Variants in FIG4 observed in about 807,000 individuals in gnomAD.
FIG4 encodes FIG4 phosphoinositide 5-phosphatase.
A neutral mutation model predicts 118.6 loss-of-function variants in FIG4; 112 were observed. The ratio of observed to expected loss-of-function variants is 0.94; its 90% CI spans 0.81 to 1.11. The LOEUF is 1.11. FIG4 is among the 50% of genes least tolerant of loss of function. The pLI is 0.00. For missense variants in FIG4, 969 were observed against 1,111.7 expected, an observed-to-expected ratio of 0.87 and a Z score of 1.83; for synonymous variants, 369 against 381.2, an observed-to-expected ratio of 0.97 and a Z score of 0.37.
intron 18 of FIG4, among the ~76,000 whole-genome samples, chr6:109,788,066 T>C (rs1326465723): frequency 6.6e-6 from 1 of 152,220 alleles, no homozygotes; most frequent in Admixed American, 6.5e-5. Context: ...TAGATGACTT[T>C]GCACAACCAT....
At chr6:109,809,741 GT>G (rs1375886496) in intron 22 of FIG4, among the ~76,000 whole-genome samples, 1 of 152,090 alleles carries the variant, frequency 6.6e-6, no homozygotes, top group Non-Finnish European at 1.5e-5. Context: ...TTTTTAAAGG[GT>G]TCTATCAAAA....
Position 109,786,396 on chromosome 6 carries a change from T to C in FIG4, c.2043T>C (p.Tyr681=). 1 of 1,613,656 alleles carries C rather than the reference T, an allele frequency of 6.2e-7. No homozygotes were observed. The highest frequency in any genetic ancestry group is 8.5e-7 in the Non-Finnish European group (1 of 1,179,548). Residue 681 remains tyrosine, a synonymous_variant, in exon 18 of 23, where the codon TAT becomes TAC. Transcript: ENST00000230124. ...IDIHNEFFRP[Y]ELSSFDDTFC... ...TCCACAATGAGTTCTTTCGGCCATA[T>C]GAGTTGAGCAGCTTTGATGATACCT...
chr6:109,708,335 A>G (rs1775152415), intron 1 of FIG4, among the ~76,000 whole-genome samples: 1 of 152,206 alleles, frequency 6.6e-6, no homozygotes, highest in South Asian at 2.1e-4. Flanking sequence ...TCCATGGTAT[A>G]TATGTACCAC....
At chr6:109,713,997 G>A (rs910383327) in intron 1 of FIG4, among the ~76,000 whole-genome samples, 7 of 152,252 alleles carry the variant, frequency 4.6e-5, no homozygotes, top group African/African-American at 1.7e-4. Context: ...TCTCCTATGG[G>A]AACAAGTCAA....
chr6:109,780,254 T>C (rs1777760297), intron 16 of FIG4, among the ~76,000 whole-genome samples: 1 of 152,196 alleles, frequency 6.6e-6, no homozygotes, highest in Non-Finnish European at 1.5e-5. Context: ...CTCTGTCACC[T>C]AGGCTGGAGT....
chr6:109,791,223 C>T (rs964876244), intron 19 of FIG4, among the ~76,000 whole-genome samples, 153 bp from the exon 20 acceptor site: 1 of 152,092 alleles, frequency 6.6e-6, no homozygotes, highest in Non-Finnish European at 1.5e-5. Context: ...GAAATATGAA[C>T]CTTTTCCCTG....
chr6:109,749,575 G>C (rs1182464308), intron 10 of FIG4, among the ~76,000 whole-genome samples: 1 of 33,362 alleles, frequency 3.0e-5, no homozygotes, highest in African/African-American at 1.2e-4. Context: ...GACAGAGCAC[G>C]ACCCTGCCTC....
At chr6:109,821,295 G>T (rs1278677895) in intron 22 of FIG4, among the ~76,000 whole-genome samples, 1 of 152,328 alleles carries the variant, frequency 6.6e-6, no homozygotes, top group African/African-American at 2.4e-5. Flanking sequence ...ACCAAAGAGA[G>T]TTCTGTGAAG....
At chr6:109,776,135 T>C (rs2128394446) in intron 15 of FIG4, among the ~76,000 whole-genome samples, 1 of 152,270 alleles carries the variant, frequency 6.6e-6, no homozygotes, top group Non-Finnish European at 1.5e-5. Context: ...GAGGAGAATG[T>C]AGAATGGGAT....
intron 22 of FIG4, among the ~76,000 whole-genome samples, chr6:109,813,814 C>A (rs940089843): frequency 1.3e-5 from 2 of 152,128 alleles, no homozygotes; most frequent in African/African-American, 4.8e-5. Flanking sequence ...TGGATAGGCC[C>A]ATAAGGAACT....
intron 3 of FIG4, 106 bp downstream of exon 3, chr6:109,716,674 A>G (rs769521174): frequency 1.8e-5 from 24 of 1,310,094 alleles, no homozygotes; most frequent in Non-Finnish European, 2.6e-5. Flanking sequence ...TAAAATTATA[A>G]TTACCTGTAG....
At chr6:109,756,448 G>T (rs1314536834) in intron 10 of FIG4, among the ~76,000 whole-genome samples, 1 of 151,762 alleles carries the variant, frequency 6.6e-6, no homozygotes, top group Non-Finnish European at 1.5e-5. Context: ...TATCTTTGTG[G>T]TGTTCTCTGT....
intron 22 of FIG4, among the ~76,000 whole-genome samples, chr6:109,808,199 G>A (rs540025122): frequency 6.6e-6 from 1 of 152,092 alleles, no homozygotes; most frequent in African/African-American, 2.4e-5. Flanking sequence ...AAAACATAAA[G>A]CAAAGGTCCT....
At chr6:109,774,191 CT>C (rs1396091485) in intron 15 of FIG4, among the ~76,000 whole-genome samples, 3 of 152,308 alleles carry the variant, frequency 2.0e-5, no homozygotes, top group African/African-American at 7.2e-5. Context: ...TGATCCCCAC[CT>C]TCCAGAGATA....
intron 22 of FIG4, among the ~76,000 whole-genome samples, chr6:109,823,464 T>C (rs1428703738): frequency 6.6e-6 from 1 of 152,202 alleles, no homozygotes; most frequent in Admixed American, 6.5e-5. Context: ...TTGTTGTGGA[T>C]AAAAGCAAAG....
chr6:109,806,964 A>G (rs1275750302), intron 22 of FIG4, among the ~76,000 whole-genome samples: 1 of 152,150 alleles, frequency 6.6e-6, no homozygotes, highest in Non-Finnish European at 1.5e-5. Flanking sequence ...ATAGTATTCC[A>G]TGGTGTATTT....
rs372885482 is a variant in FIG4 at position 109,745,175 on chromosome 6, T to C, written c.1137+1403T>C. 4.6e-5 allele frequency among the ~76,000 whole-genome samples: 7 copies of C among 152,286 alleles called. No individual in the cohort carries two copies. In the East Asian group the frequency reaches 1.2e-3, roughly 25 times the overall value. On this transcript the variant is annotated intron_variant, in intron 10 of 22. Transcript: ENST00000230124. ...TATACCCAGTAATGGGATTGCTGGG[T>C]CAAATGGTATTTCTAGTTCTAGATC...
intron 8 of FIG4, among the ~76,000 whole-genome samples, chr6:109,742,091 T>G (rs760653605): frequency 1.8e-4 from 28 of 152,186 alleles, no homozygotes; most frequent in Non-Finnish European, 2.4e-4. Flanking sequence ...CTTAGAGTTA[T>G]GCAGTGCTTT....
In FIG4 at chr6:109,777,558, T is replaced by G. The variant is rs1206269643; in HGVS notation, c.1889+498T>G. On this transcript the variant is annotated intron_variant, in intron 16 of 22. Transcript: ENST00000230124. ...GAGAGTCAGTCTTAGATTTTTCAAG[T>G]GTGACAGCTAAGCAGCATGTACCTT... Among the ~76,000 whole-genome samples, 3 of 152,204 alleles carry G rather than the reference T, an allele frequency of 2.0e-5. No homozygotes were observed. In the East Asian group the frequency reaches 5.8e-4, roughly 29 times the overall value.
Sources: allele counts gnomAD v4.1 joint callset (sites outside exome capture counted in the v4.1 genomes callset), GRCh38; gene constraint gnomAD v4.1.1; transcripts MANE v1.5; gene names NCBI Gene and HGNC (gene_info 2026-07-23, HGNC 2026-07-21).